Variants in GALNT10 observed in about 807,000 individuals in gnomAD.
The protein encoded by GALNT10 is polypeptide N-acetylgalactosaminyltransferase 10.
A neutral mutation model predicts 75.0 loss-of-function variants in GALNT10; 41 were observed. That is an observed-to-expected ratio of 0.55 (90% CI 0.43 to 0.71). GALNT10 has a LOEUF of 0.71. Among genes scored for constraint, GALNT10 ranks in the 30% least tolerant of loss-of-function variants. The pLI is 0.00. For synonymous variants in GALNT10, 302 were observed against 313.0 expected (o/e 0.96, Z 0.37); for missense variants, 727 against 818.5 (o/e 0.89, Z 1.36).
chr5:154,291,458 C>G (rs530534528), intron 1 of GALNT10, among the ~76,000 whole-genome samples: 30 of 152,324 alleles, frequency 2.0e-4, no homozygotes, highest in African/African-American at 6.5e-4. Flanking sequence ...AAGATCCATG[C>G]ATGATTCTCC....
intron 7 of GALNT10, among the ~76,000 whole-genome samples, chr5:154,391,345 A>C (rs770880996): frequency 9.2e-5 from 14 of 152,248 alleles, no homozygotes; most frequent in Non-Finnish European, 1.9e-4. Context: ...ACGTACCTTC[A>C]GGGCTGAGGG....
chr5:154,210,951 C>T (rs1775187222), intron 1 of GALNT10, among the ~76,000 whole-genome samples: 1 of 152,090 alleles, frequency 6.6e-6, no homozygotes, highest in African/African-American at 2.4e-5. Context: ...ATTGTAGATA[C>T]AGGTAGATGG....
intron 1 of GALNT10, among the ~76,000 whole-genome samples, chr5:154,268,598 C>T (rs944813058): frequency 3.3e-5 from 5 of 152,158 alleles, no homozygotes; most frequent in Admixed American, 2.0e-4. Context: ...AATATTAAAT[C>T]GCATTCAGAA....
intron 1 of GALNT10, among the ~76,000 whole-genome samples, chr5:154,292,447 T>TC (rs1180394878): frequency 6.6e-6 from 1 of 152,142 alleles, no homozygotes; most frequent in Non-Finnish European, 1.5e-5. Context: ...GAGCCTCTAG[T>TC]CCCACCAGGG....
chr5:154,335,980 C>T (rs1754940104), intron 4 of GALNT10, among the ~76,000 whole-genome samples: 1 of 152,192 alleles, frequency 6.6e-6, no homozygotes, highest in Non-Finnish European at 1.5e-5. Flanking sequence ...TGTGCTCCAC[C>T]TGTTCATCCC....
intron 1 of GALNT10, among the ~76,000 whole-genome samples, chr5:154,254,080 A>C (rs79772371): frequency 0.035 from 5,340 of 151,950 alleles, 117 homozygotes; most frequent in Middle Eastern, 0.085. Context: ...TTTTTTTGTT[A>C]TGCTCTCAGG....
At chr5:154,254,532 C>A (rs1323074931) in intron 1 of GALNT10, among the ~76,000 whole-genome samples, 11 of 149,400 alleles carry the variant, frequency 7.4e-5, no homozygotes, top group Admixed American at 5.3e-4. Flanking sequence ...TTTCTGTCTC[C>A]AGGTAACTTT....
rs3734084 is a variant in GALNT10 at position 154,386,611 on chromosome 5, G to T, written c.1056+181G>T. 1.3e-4 allele frequency: 69 copies of T among 541,074 alleles called. No homozygotes were observed. In the East Asian group the frequency reaches 2.2e-3, roughly 17 times the overall value. 33.5% of individuals were successfully genotyped at this position (541,074 alleles called of 1,614,324 possible). A position where few individuals can be genotyped will look rare whatever the true frequency, so the allele number is the denominator to read the frequency against. On this transcript the variant is annotated intron_variant, in intron 7 of 11. Coordinates refer to ENST00000297107, the MANE Select transcript of GALNT10 (RefSeq NM_198321.4). Reference sequence around the variant, plus strand: ...CCACTCTTTGTTGTGGGGTGGGGGGGTGTGGGAGGGAAGGGGAGTACTCTC... The same window carrying T: ...CCACTCTTTGTTGTGGGGTGGGGGGTTGTGGGAGGGAAGGGGAGTACTCTC...
intron 4 of GALNT10, among the ~76,000 whole-genome samples, chr5:154,375,267 T>TC (rs1755636898): frequency 6.6e-6 from 1 of 152,210 alleles, no homozygotes; most frequent in Admixed American, 6.5e-5. Flanking sequence ...ACAGCTTTTC[T>TC]CCTGATCAGA....
intron 1 of GALNT10, among the ~76,000 whole-genome samples, chr5:154,192,599 T>C (rs78780960): frequency 0.014 from 2,061 of 152,350 alleles, 57 homozygotes; most frequent in African/African-American, 0.046. Flanking sequence ...ACCATGATTA[T>C]TGGTCCAGTT....
At chr5:154,259,095 A>G (rs533870065) in intron 1 of GALNT10, among the ~76,000 whole-genome samples, 6 of 152,288 alleles carry the variant, frequency 3.9e-5, no homozygotes, top group African/African-American at 1.4e-4. Context: ...GAATATCAGC[A>G]GTTTTTCCCA....
intron 4 of GALNT10, among the ~76,000 whole-genome samples, chr5:154,357,364 GTA>G (rs899222110): frequency 1.8e-4 from 27 of 152,130 alleles, no homozygotes; most frequent in African/African-American, 6.5e-4. Flanking sequence ...ATGCTTGGAA[GTA>G]TATATATATC....
At chr5:154,193,152 T>G (rs1470505159) in intron 1 of GALNT10, among the ~76,000 whole-genome samples, 1 of 149,926 alleles carries the variant, frequency 6.7e-6, no homozygotes, top group Non-Finnish European at 1.5e-5. Context: ...GTGAAGGGGG[T>G]TTGGGGGTTT....
At chr5:154,340,590 T>C (rs1251048655) in intron 4 of GALNT10, among the ~76,000 whole-genome samples, 1 of 152,212 alleles carries the variant, frequency 6.6e-6, no homozygotes, top group Non-Finnish European at 1.5e-5. Flanking sequence ...TTCTAGCAGG[T>C]AAATGAAGCA....
intron 6 of GALNT10, 106 bp downstream of exon 6, chr5:154,380,737 T>C: frequency 1.4e-6 from 1 of 712,688 alleles, no homozygotes; most frequent in Non-Finnish European, 2.3e-6. Context: ...ATGCAGAGGG[T>C]CCAGCTTCCC....
rs368121834 is a variant in GALNT10, at chr5:154,416,803, A to G, written c.1654-11A>G. The G allele has an allele frequency of 5.8e-5, 94 of 1,608,528 alleles. No homozygotes were observed. The highest frequency in any genetic ancestry group is 1.7e-4 in the Middle Eastern group (1 of 6,048). On this transcript the variant is annotated splice_polypyrimidine_tract_variant and intron_variant, in intron 11 of 11. Coordinates refer to ENST00000297107, the MANE Select transcript of GALNT10 (RefSeq NM_198321.4). This position sits in a 1 kb window ranked among gnomAD's most constrained non-coding sequence, Gnocchi z 4.5. ...CAGTGCTGTCTGGCTTATTACCTCC[A>G]TGTTTTGTAGGACAAGACCCTGTAC... is the stretch of plus-strand genomic sequence containing the variant.
chr5:154,298,167 C>A lies in GALNT10; in HGVS notation c.401+88C>A. ...TAATTAAGGAAGCAGGTACATGGAG[C>A]CCTGCTGACGGAGACACCCTCCTCT... On this transcript the variant is annotated intron_variant, in intron 3 of 11. Transcript: ENST00000297107. The surrounding 1 kb of genome is among the most constrained non-coding windows in gnomAD (Gnocchi z 4.1). 1 of 1,207,008 alleles carries A rather than the reference C, an allele frequency of 8.3e-7. No homozygotes were observed. Among genetic ancestry groups the A allele is most frequent in the Non-Finnish European group, 1.2e-6 (1 of 835,276 alleles). The allele number at this position is 1,207,008 out of a possible 1,614,324, so 74.8% of individuals were successfully genotyped here.
chr5:154,192,781 A>G lies in GALNT10; in HGVS notation c.159+1756A>G, dbSNP rs1271103713. ...ACCCTAGTGCAAACTCTCCTTTAGA[A>G]TAGCTGTAGCCCATTCTAAAATAGT... On this transcript the variant is annotated intron_variant, in intron 1 of 11. Coordinates refer to ENST00000297107, the MANE Select transcript of GALNT10 (RefSeq NM_198321.4). 3.3e-5 allele frequency among the ~76,000 whole-genome samples: 5 copies of G among 152,234 alleles called. No individual in the cohort carries two copies. In the East Asian group the frequency reaches 5.8e-4, roughly 18 times the overall value.
chr5:154,396,201 TATGA>T lies in GALNT10; in HGVS notation c.1057-7876_1057-7873del, dbSNP rs5872378. On this transcript the variant is annotated intron_variant, in intron 7 of 11. Transcript: ENST00000297107. ...AAACCTGACCAATGACCAGATCATG[TATGA>T]ATGAATGAATGAATGAATGAATGAA... 3.3e-4 allele frequency among the ~76,000 whole-genome samples: 50 copies of T among 151,160 alleles called. 1 individual carries two copies. The highest frequency in any genetic ancestry group is 2.4e-3 in the Admixed American group (37 of 15,188).
Sources: gnomAD v4.1 joint callset for allele counts (sites outside exome capture counted in the v4.1 genomes callset) on GRCh38, gnomAD v4.1.1 for gene constraint, Gnocchi (gnomAD v3.1) non-coding constraint, MANE v1.5 for transcripts, NCBI Gene and HGNC (gene_info 2026-07-23, HGNC 2026-07-21) for gene names.